PPP1R13B: variants seen among roughly 807,000 people sequenced by gnomAD.
PPP1R13B encodes apoptosis-stimulating of p53 protein 1.
A neutral mutation model predicts 119.8 loss-of-function variants in PPP1R13B; 44 were observed. The observed-to-expected ratio is 0.37, with a 90% confidence interval of 0.29 to 0.47. PPP1R13B has a LOEUF of 0.47. PPP1R13B is among the 20% of genes least tolerant of loss of function. PPP1R13B has a pLI of 0.99. For missense variants in PPP1R13B, 1,227 were observed against 1,413.5 expected (o/e 0.87, Z 2.12); for synonymous variants, 542 against 561.5 (o/e 0.97, Z 0.49).
chr14:103,845,739 A>T (rs141739483), intron 1 of PPP1R13B, among the ~76,000 whole-genome samples: 11 of 152,330 alleles, frequency 7.2e-5, no homozygotes, highest in Non-Finnish European at 1.5e-4. Flanking sequence ...TGAATGCATC[A>T]ATCAACTATT....
intron 1 of PPP1R13B, among the ~76,000 whole-genome samples, chr14:103,825,862 T>G (rs7147662): frequency 7.3e-6 from 1 of 137,712 alleles, no homozygotes; most frequent in Admixed American, 7.3e-5. Context: ...TTTTTTTTTT[T>G]GAGAGAGAGT....
chr14:103,779,637 C>A (rs1449736407), intron 3 of PPP1R13B, among the ~76,000 whole-genome samples: 1 of 151,068 alleles, frequency 6.6e-6, no homozygotes, highest in Non-Finnish European at 1.5e-5. Flanking sequence ...CAGAAAGTAG[C>A]GAGGCATGGT....
Position 103,741,948 on chromosome 14 carries a change from G to C in PPP1R13B, c.1664C>G (p.Pro555Arg), listed in dbSNP as rs1260353413. Residue 555 changes from proline (P) to arginine (R), a missense_variant, in exon 11 of 17, where the codon CCT becomes CGT. Physicochemically the swap from Pro to Arg is moderately radical, Grantham distance 103 (BLOSUM62 -2). Transcript: ENST00000202556. The stretch of plus-strand genomic sequence containing the variant: ...CCTTGACCCTTTATCAGCCAGGAAA[G>C]GCCTAATGGCCACTGTCAGTGGGAG... ...PELPLTVAIR[P>R]FLADKGSRPQ... 4 of 1,614,272 alleles carry C rather than the reference G, an allele frequency of 2.5e-6. No homozygotes were observed. The Admixed American group carries it at 5.0e-5, about 20-fold the overall frequency.
Position 103,741,776 on chromosome 14 carries a change from T to TA in PPP1R13B, c.1822+13dup. 1 of 1,610,064 alleles carries TA rather than the reference T, an allele frequency of 6.2e-7. No individual in the cohort carries two copies. The highest frequency in any genetic ancestry group is 8.5e-7 in the Non-Finnish European group (1 of 1,177,190). ...TCCTAGCCCCAAGAAAAGGAGAGTATAAACCCACTCTACCTGCTTTAACTG... is the reference window on the plus strand; with the variant it reads ...TCCTAGCCCCAAGAAAAGGAGAGTATAAAACCCACTCTACCTGCTTTAACTG... On this transcript the variant is annotated intron_variant, in intron 11 of 16. Transcript: ENST00000202556.
chr14:103,743,921 A>C (rs1252002295), intron 9 of PPP1R13B: 1 of 152,308 alleles, frequency 6.6e-6, no homozygotes, highest in African/African-American at 2.4e-5. Flanking sequence ...CCCCAGCTGC[A>C]TACACTGCTG....
In PPP1R13B at chr14:103,746,475, T is replaced by A; in HGVS notation, c.1048A>T (p.Ile350Phe). 3.7e-6 allele frequency: 6 copies of A among 1,614,044 alleles called. No individual in the cohort carries two copies. Among genetic ancestry groups the A allele is most frequent in the Non-Finnish European group, 4.2e-6 (5 of 1,179,936 alleles). The part of the protein sequence containing the change: ...SGRVAAVGPY[I>F]QVPSAGSFPV... ...AAGCTTCCGGCACTGGGAACCTGGA[T>A]ATAAGGCCCCACAGCAGCGACCCTG... is the stretch of plus-strand genomic sequence containing the variant. Residue 350 changes from isoleucine to phenylalanine, a missense_variant, in exon 9 of 17, where the codon ATC becomes TTC. Coordinates refer to ENST00000202556, the MANE Select transcript of PPP1R13B (RefSeq NM_015316.3).
intron 1 of PPP1R13B, among the ~76,000 whole-genome samples, chr14:103,835,860 C>T (rs1353106216): frequency 6.6e-6 from 1 of 151,812 alleles, no homozygotes; most frequent in African/African-American, 2.4e-5. Context: ...CCGCCTGCCT[C>T]GGCCTCCCAA....
rs1157222905 is a variant in PPP1R13B, at chr14:103,834,581, CTTTTTTT to C, written c.9+12711_9+12717del. The stretch of plus-strand genomic sequence containing the variant: ...GCACAGGGAAGGTAAATTTTAATGT[CTTTTTTT>C]TTTTTTTTTTTTTTTTTTTGAGACC... On this transcript the variant is annotated intron_variant, in intron 1 of 16. Coordinates refer to ENST00000202556, the MANE Select transcript of PPP1R13B (RefSeq NM_015316.3). 8.2e-4 allele frequency among the ~76,000 whole-genome samples: 73 copies of C among 89,394 alleles called. 1 individual carries two copies. The highest frequency in any genetic ancestry group is 5.6e-3 in the South Asian group (14 of 2,510). The allele number at this position is 89,394 out of a possible 152,430, so 58.6% of individuals were successfully genotyped here.
At chr14:103,770,082 T>C (rs987666362) in intron 4 of PPP1R13B, among the ~76,000 whole-genome samples, 15 of 151,642 alleles carry the variant, frequency 9.9e-5, no homozygotes, top group African/African-American at 1.5e-4. Context: ...TAAACAGAAA[T>C]GAGGTCTACT....
chr14:103,806,488 T>G (rs915487671), intron 1 of PPP1R13B, among the ~76,000 whole-genome samples: 1 of 152,136 alleles, frequency 6.6e-6, no homozygotes, highest in African/African-American at 2.4e-5. Flanking sequence ...AAAGGATCAG[T>G]TGGGGTGAGG....
At chr14:103,752,581 C>CT (rs2151979867) in intron 7 of PPP1R13B, among the ~76,000 whole-genome samples, 1 of 143,498 alleles carries the variant, frequency 7.0e-6, no homozygotes, top group South Asian at 2.2e-4. Flanking sequence ...GTCACCCAGG[C>CT]TGGAGTGCAG....
chr14:103,817,370 T>C (rs1203286273), intron 1 of PPP1R13B, among the ~76,000 whole-genome samples: 2 of 151,874 alleles, frequency 1.3e-5, no homozygotes, highest in African/African-American at 4.8e-5. Context: ...ACTATCAAAA[T>C]GAAGACTACA....
intron 16 of PPP1R13B, among the ~76,000 whole-genome samples, chr14:103,735,792 C>T (rs1476021509): frequency 6.6e-6 from 1 of 152,206 alleles, no homozygotes; most frequent in Non-Finnish European, 1.5e-5. Flanking sequence ...CCGCACGGGC[C>T]TCCATGGCAT....
rs187170252 is a variant in PPP1R13B at position 103,739,084 on chromosome 14, G to A, written c.2593-61C>T. On this transcript the variant is annotated intron_variant, in intron 12 of 16. Transcript: ENST00000202556. The stretch of plus-strand genomic sequence containing the variant: ...GGTCCACTGAAGTCTAAGAACCCAC[G>A]CCTGCTGGGAAGGAGTGGTGGGAGC... The A allele has an allele frequency of 2.8e-5, 43 of 1,559,528 alleles. No homozygotes were observed. The Admixed American group carries it at 5.8e-4, about 21-fold the overall frequency.
In PPP1R13B at chr14:103,740,664, C is replaced by T. The variant is rs1320012099; in HGVS notation, c.1823-71G>A. 3 of 1,270,616 alleles carry T rather than the reference C, an allele frequency of 2.4e-6. No individual in the cohort carries two copies. Among genetic ancestry groups the T allele is most frequent in the East Asian group, 5.1e-5 (2 of 39,376 alleles). The allele number at this position is 1,270,616 out of a possible 1,614,324, so 78.7% of individuals were successfully genotyped here. On this transcript the variant is annotated intron_variant, in intron 11 of 16. Transcript: ENST00000202556. This position sits in a 1 kb window ranked among gnomAD's most constrained non-coding sequence, Gnocchi z 4.6. ...ATCTAGTCATACACACCTATGATTA[C>T]ACCAGAGACAGGCTCCTGCAAAGAC...
intron 2 of PPP1R13B, among the ~76,000 whole-genome samples, chr14:103,790,401 A>C (rs2085587515): frequency 6.6e-6 from 1 of 152,180 alleles, no homozygotes; most frequent in Non-Finnish European, 1.5e-5. Flanking sequence ...CTGAATCCCC[A>C]ATGTGGTAAT....
intron 1 of PPP1R13B, among the ~76,000 whole-genome samples, chr14:103,811,094 CAAAAAA>C (rs36017203): frequency 3.0e-5 from 2 of 65,844 alleles, no homozygotes; most frequent in Admixed American, 2.2e-4. Context: ...GACTCCTCCT[CAAAAAA>C]AAAAAAAAAA....
chr14:103,804,146 C>T, intron 1 of PPP1R13B: 1 of 730,940 alleles, frequency 1.4e-6, no homozygotes, highest in Non-Finnish European at 1.7e-6. Context: ...AAGGACAATA[C>T]TTGTGTTCTC....
intron 7 of PPP1R13B, among the ~76,000 whole-genome samples, chr14:103,750,615 G>A (rs2084516831): frequency 6.6e-6 from 1 of 152,276 alleles, no homozygotes; most frequent in African/African-American, 2.4e-5. Context: ...TGGATCACCT[G>A]AGGTCAAGAG....
Sources: allele counts gnomAD v4.1 joint callset (sites outside exome capture counted in the v4.1 genomes callset), GRCh38; gene constraint gnomAD v4.1.1; non-coding constraint Gnocchi (gnomAD v3.1); transcripts MANE v1.5; gene names NCBI Gene and HGNC (gene_info 2026-07-23, HGNC 2026-07-21).